Variants in MBNL2 observed in about 807,000 individuals in gnomAD.
The protein encoded by MBNL2 is muscleblind-like protein 2.
In MBNL2, 17 loss-of-function variants were observed where a neutral mutation model predicts 41.9. The observed-to-expected ratio is 0.41, with a 90% confidence interval of 0.28 to 0.61. MBNL2 has a LOEUF of 0.61. MBNL2 is among the 20% of genes least tolerant of loss of function. The pLI, the probability that MBNL2 is intolerant of heterozygous loss-of-function variation, is 0.35. For missense variants in MBNL2, 336 were observed against 505.6 expected (o/e 0.66, Z 3.22); for synonymous variants, 195 against 182.9 (o/e 1.07, Z -0.53).
At chr13:97,286,928 G>T (rs930129639) in intron 2 of MBNL2, among the ~76,000 whole-genome samples, 1 of 152,170 alleles carries the variant, frequency 6.6e-6, no homozygotes, top group East Asian at 1.9e-4. Context: ...GGCAGGGACC[G>T]CGTTGTTGTA....
chr13:97,158,881 G>T, the MBNL2 span, among the ~76,000 whole-genome samples: 1 of 151,688 alleles, frequency 6.6e-6, no homozygotes, highest in Non-Finnish European at 1.5e-5. Context: ...TGTTGATTTG[G>T]GGTGGAGAGT....
chr13:97,276,520 C>A, intron 2 of MBNL2, 111 bp downstream of exon 2: 1 of 1,083,154 alleles, frequency 9.2e-7, no homozygotes, highest in Non-Finnish European at 1.4e-6. Context: ...ATTCTATTTT[C>A]TTGTTTGTGG....
At chr13:97,207,861 A>G in the MBNL2 span, among the ~76,000 whole-genome samples, 1 of 152,238 alleles carries the variant, frequency 6.6e-6, no homozygotes. Flanking sequence ...TCCTAGATAC[A>G]GTGGAGGTAC....
At chr13:97,271,181 C>T (rs1242875208) in intron 1 of MBNL2, among the ~76,000 whole-genome samples, 1 of 141,584 alleles carries the variant, frequency 7.1e-6, no homozygotes, top group Non-Finnish European at 1.5e-5. Flanking sequence ...AGTGCAGTGG[C>T]GCGAGCTCAC....
chr13:97,361,822 T>G (rs1274625496), intron 7 of MBNL2, among the ~76,000 whole-genome samples: 2 of 131,504 alleles, frequency 1.5e-5, no homozygotes, highest in Admixed American at 9.1e-5. Flanking sequence ...CAGGCTGGAG[T>G]GCAGTGGCAT....
chr13:97,224,628 CAAAAAAAAA>C (rs538498133), intron 1 of MBNL2, among the ~76,000 whole-genome samples: 25 of 107,432 alleles, frequency 2.3e-4, no homozygotes, highest in African/African-American at 5.9e-4. Context: ...GACCTTTTAC[CAAAAAAAAA>C]AAAAAAAAAA....
At chr13:97,165,464 A>T in the MBNL2 span, among the ~76,000 whole-genome samples, 34 of 152,286 alleles carry the variant, frequency 2.2e-4, 1 homozygote, top group South Asian at 5.0e-3. Context: ...AATGCCTTTT[A>T]TGGGTCCTTT....
chr13:97,256,549 G>C (rs976077087), intron 1 of MBNL2, among the ~76,000 whole-genome samples: 1 of 152,150 alleles, frequency 6.6e-6, no homozygotes, highest in Non-Finnish European at 1.5e-5. Context: ...TCCGCCAAAT[G>C]CTGCAGGTTA....
Position 97,392,389 on chromosome 13 carries a change from A to C in MBNL2, c.*940A>C, listed in dbSNP as rs2066406643. 1 of 152,736 alleles carries C rather than the reference A, an allele frequency of 6.5e-6. No homozygotes were observed. The highest frequency in any genetic ancestry group is 6.5e-5 in the Admixed American group (1 of 15,280). The allele number at this position is 152,736 out of a possible 1,614,324, so 9.5% of individuals were successfully genotyped here. ...TTTAATCTAAATTACTATGTAAACA[A>C]AAAGTAGATAGTTTCACTTTTTAAA... is the stretch of plus-strand genomic sequence containing the variant. On this transcript the variant is annotated 3_prime_UTR_variant, in exon 9 of 9. Coordinates refer to ENST00000679496, the MANE Select transcript of MBNL2 (RefSeq NM_001382683.1).
chr13:97,204,803 G>T, the MBNL2 span, among the ~76,000 whole-genome samples: 6 of 152,116 alleles, frequency 3.9e-5, no homozygotes, highest in Non-Finnish European at 8.8e-5. Flanking sequence ...TTCAGGCCAG[G>T]TGCGGTGGCT....
intron 1 of MBNL2, among the ~76,000 whole-genome samples, chr13:97,256,763 G>C (rs549450968): frequency 2.0e-5 from 3 of 152,166 alleles, no homozygotes; most frequent in Admixed American, 2.0e-4. Context: ...TGGCTTGCCC[G>C]AGGGTATAGG....
upstream of MBNL2, among the ~76,000 whole-genome samples, chr13:97,218,455 G>T (rs1227859907): frequency 2.4e-5 from 2 of 81,780 alleles, no homozygotes; most frequent in East Asian, 7.8e-4. Flanking sequence ...AAAAAAAACT[G>T]GGCCTAGAGG....
chr13:97,343,970 C>T (rs181886850), intron 4 of MBNL2, among the ~76,000 whole-genome samples: 105 of 152,260 alleles, frequency 6.9e-4, no homozygotes, highest in Middle Eastern at 3.4e-3. Context: ...CCACGCCTGG[C>T]CAATTTTGTA....
At position 97,393,750 on chromosome 13, in the gene MBNL2, T is replaced by G. The variant is rs1273573364; in HGVS notation, c.*2301T>G. On this transcript the variant is annotated 3_prime_UTR_variant, in exon 9 of 9. Coordinates refer to ENST00000679496, the MANE Select transcript of MBNL2 (RefSeq NM_001382683.1). ...TTATTTGCCAAAAGTTTGTTTATAT[T>G]CAGAAGTCTGACTATGATGAATAAA... The G allele has an allele frequency of 6.6e-6, 1 of 152,518 alleles. No individual in the cohort carries two copies. The highest frequency in any genetic ancestry group is 1.5e-5 in the Non-Finnish European group (1 of 67,972). The allele number at this position is 152,518 out of a possible 1,614,324, so 9.4% of individuals were successfully genotyped here.
At chr13:97,293,902 C>T (rs1444481907) in intron 2 of MBNL2, among the ~76,000 whole-genome samples, 10 of 151,948 alleles carry the variant, frequency 6.6e-5, no homozygotes, top group Non-Finnish European at 1.0e-4. Context: ...CACCCATCAC[C>T]CGAGCAGTAT....
intron 1 of MBNL2, among the ~76,000 whole-genome samples, chr13:97,274,070 GA>G (rs950868295): frequency 6.6e-6 from 1 of 151,418 alleles, no homozygotes; most frequent in African/African-American, 2.4e-5. Context: ...TCAAAAAAAA[GA>G]AAAAAAATTA....
At chr13:97,144,736 T>A in the MBNL2 span, among the ~76,000 whole-genome samples, 2 of 152,104 alleles carry the variant, frequency 1.3e-5, no homozygotes, top group South Asian at 4.1e-4. Flanking sequence ...CCCAGCCTAG[T>A]GATACTTCTT....
At chr13:97,345,889 A>G (rs534578641) in intron 4 of MBNL2, among the ~76,000 whole-genome samples, 3 of 152,208 alleles carry the variant, frequency 2.0e-5, no homozygotes, top group African/African-American at 4.8e-5. Context: ...AAAAAAACCT[A>G]TAGCATTGTC....
intron 1 of MBNL2, among the ~76,000 whole-genome samples, chr13:97,271,240 C>G (rs2050928606): frequency 6.6e-6 from 1 of 151,436 alleles, no homozygotes; most frequent in South Asian, 2.1e-4. Context: ...CTCAGCCTCC[C>G]AAGTAGCTGG....
Sources: allele counts gnomAD v4.1 joint callset (sites outside exome capture counted in the v4.1 genomes callset), GRCh38; gene constraint gnomAD v4.1.1; transcripts MANE v1.5; gene names NCBI Gene and HGNC (gene_info 2026-07-23, HGNC 2026-07-21).